Variants in ATP8B4 observed in about 807,000 individuals in gnomAD.
ATP8B4 encodes probable phospholipid-transporting ATPase IM.
Under a neutral mutation model 145.6 loss-of-function variants are expected in ATP8B4, and 133 were observed. The observed-to-expected ratio is 0.91, with a 90% CI of 0.79 to 1.05. The LOEUF is 1.05. Ranked by LOEUF, ATP8B4 falls within the 50% of genes least tolerant of loss-of-function variation. The probability of loss-of-function intolerance (pLI) is 0.00; values close to 1 mark genes in which losing one functional copy is unlikely to be tolerated. For missense variants in ATP8B4, 1,458 were observed against 1,425.2 expected, an observed-to-expected ratio of 1.02 and a Z score of -0.37; for synonymous variants, 507 against 492.9, an observed-to-expected ratio of 1.03 and a Z score of -0.38.
At chr15:49,927,478 T>C (rs2040834240) in intron 16 of ATP8B4, among the ~76,000 whole-genome samples, 1 of 151,744 alleles carries the variant, frequency 6.6e-6, no homozygotes, top group Non-Finnish European at 1.5e-5. Context: ...CCTGGTAGAG[T>C]CCCTCTAAAA....
chr15:50,027,895 C>T (rs1173999795), intron 6 of ATP8B4, among the ~76,000 whole-genome samples: 1 of 152,174 alleles, frequency 6.6e-6, no homozygotes. Context: ...TATTTGAGGA[C>T]CTACTGTATA....
intron 20 of ATP8B4, among the ~76,000 whole-genome samples, chr15:49,913,104 C>T (rs2039396149): frequency 6.6e-6 from 1 of 150,760 alleles, no homozygotes; most frequent in Non-Finnish European, 1.5e-5. Flanking sequence ...GCAGTGAAAG[C>T]CAGGTGACAG....
intron 3 of ATP8B4, among the ~76,000 whole-genome samples, chr15:50,073,009 T>A (rs1446738331): frequency 2.0e-5 from 1 of 50,582 alleles, no homozygotes; most frequent in African/African-American, 9.9e-5. Flanking sequence ...TATATATATA[T>A]ATATATATAT....
At chr15:49,946,455 A>C (rs1008393282) in intron 14 of ATP8B4, among the ~76,000 whole-genome samples, 2 of 152,210 alleles carry the variant, frequency 1.3e-5, no homozygotes, top group African/African-American at 4.8e-5. Flanking sequence ...CAGTAGCCAC[A>C]GATTAGAACT....
intron 3 of ATP8B4, among the ~76,000 whole-genome samples, chr15:50,058,784 C>T (rs2052790820): frequency 6.6e-6 from 1 of 152,036 alleles, no homozygotes; most frequent in Non-Finnish European, 1.5e-5. Flanking sequence ...CCAGCCCCTT[C>T]ACAGCCAGGT....
intron 14 of ATP8B4, among the ~76,000 whole-genome samples, chr15:49,953,693 C>T (rs999859748): frequency 6.6e-6 from 1 of 152,204 alleles, no homozygotes; most frequent in African/African-American, 2.4e-5. Flanking sequence ...GCTCAAAAGG[C>T]TTAGACAGCA....
At chr15:49,917,095 T>A in intron 19 of ATP8B4, 56 bp from the exon 20 acceptor site, 1 of 1,548,984 alleles carries the variant, frequency 6.5e-7, no homozygotes, top group South Asian at 1.1e-5. Flanking sequence ...CCTAAGTCCA[T>A]TTTTAATGAA....
chr15:50,034,367 T>TGCA (rs2050679889), intron 6 of ATP8B4, among the ~76,000 whole-genome samples: 1 of 151,886 alleles, frequency 6.6e-6, no homozygotes, highest in Non-Finnish European at 1.5e-5. Flanking sequence ...GTAGCTGGGA[T>TGCA]TACCGGTGCC....
Position 50,038,837 on chromosome 15 carries a change from A to G in ATP8B4, c.301-8T>C. On this transcript the variant is annotated splice_region_variant and splice_polypyrimidine_tract_variant and intron_variant, in intron 5 of 27. Coordinates refer to ENST00000284509, the MANE Select transcript of ATP8B4 (RefSeq NM_024837.4). ...ATCACTCTTGTGGCGAAACTGAAAAATCAAAGTGTTTGTGAGAAAACACAT... is the reference window on the plus strand; with the variant it reads ...ATCACTCTTGTGGCGAAACTGAAAAGTCAAAGTGTTTGTGAGAAAACACAT... 6.2e-7 allele frequency: 1 copy of G among 1,612,984 alleles called. No individual in the cohort carries two copies. Among genetic ancestry groups the G allele is most frequent in the East Asian group, 2.2e-5 (1 of 44,854 alleles).
At chr15:49,886,373 A>G (rs1023286765) in intron 23 of ATP8B4, among the ~76,000 whole-genome samples, 2 of 152,318 alleles carry the variant, frequency 1.3e-5, no homozygotes, top group Non-Finnish European at 2.9e-5. Flanking sequence ...ACACTGCTCA[A>G]TAAGTGAGCA....
chr15:49,920,629 G>C (rs927623937), intron 17 of ATP8B4, among the ~76,000 whole-genome samples: 1 of 152,238 alleles, frequency 6.6e-6, no homozygotes, highest in Non-Finnish European at 1.5e-5. Flanking sequence ...ATGCAGGGGA[G>C]CAAGTCTTCC....
intron 5 of ATP8B4, among the ~76,000 whole-genome samples, chr15:50,039,731 T>C (rs1284816698): frequency 6.8e-6 from 1 of 146,212 alleles, no homozygotes; most frequent in Admixed American, 6.7e-5. Flanking sequence ...CTTTTTTTCT[T>C]AAATACAAAA....
chr15:50,160,519 A>C (rs1004099400), intron 1 of ATP8B4, among the ~76,000 whole-genome samples: 4 of 150,702 alleles, frequency 2.7e-5, no homozygotes, highest in African/African-American at 9.8e-5. Context: ...AGATACTGCT[A>C]TAAACTTGCT....
chr15:50,159,475 CT>C (rs1376018293), intron 1 of ATP8B4, among the ~76,000 whole-genome samples: 1 of 152,102 alleles, frequency 6.6e-6, no homozygotes, highest in African/African-American at 2.4e-5. Flanking sequence ...TTTGAATGTC[CT>C]TTATTTCTTT....
rs528231774 is a variant in ATP8B4 at position 50,169,335 on chromosome 15, T to C, written c.-43+12926A>G. On this transcript the variant is annotated intron_variant, in intron 1 of 3. Coordinates refer to the ATP8B4 transcript ENST00000558829. Reference sequence around the variant, plus strand: ...CTGGTATTCACGGCTGAGAGACCCATAGACGGTTCACATCACAGGACTCTG... The same window carrying C: ...CTGGTATTCACGGCTGAGAGACCCACAGACGGTTCACATCACAGGACTCTG... 2.6e-5 allele frequency among the ~76,000 whole-genome samples: 4 copies of C among 152,280 alleles called. No homozygotes were observed. In the East Asian group the frequency reaches 5.8e-4, roughly 22 times the overall value.
chr15:49,918,081 G>A (rs1228102663), intron 19 of ATP8B4, among the ~76,000 whole-genome samples: 1 of 152,216 alleles, frequency 6.6e-6, no homozygotes, highest in Admixed American at 6.5e-5. Flanking sequence ...TAACATAGGT[G>A]TATGCCAGTT....
chr15:49,916,184 T>C (rs900795589), intron 20 of ATP8B4, among the ~76,000 whole-genome samples: 1 of 152,070 alleles, frequency 6.6e-6, no homozygotes, highest in Non-Finnish European at 1.5e-5. Context: ...TTTTTGTAGA[T>C]TTTTAAACGT....
Position 50,024,261 on chromosome 15 carries a change from A to G in ATP8B4, c.363-13344T>C, listed in dbSNP as rs549463380. ...CTATGATAGAGGTAGGTTATTTCCAACAGATACTTAATAACTGAGCCTAGA... is the reference window on the plus strand; with the variant it reads ...CTATGATAGAGGTAGGTTATTTCCAGCAGATACTTAATAACTGAGCCTAGA... On this transcript the variant is annotated intron_variant, in intron 6 of 27. Transcript: ENST00000284509. 3.9e-5 allele frequency among the ~76,000 whole-genome samples: 6 copies of G among 152,286 alleles called. No individual in the cohort carries two copies. The South Asian group carries it at 1.2e-3, about 32-fold the overall frequency.
chr15:49,876,207 A>G, intron 25 of ATP8B4, 71 bp downstream of exon 25: 1 of 1,546,084 alleles, frequency 6.5e-7, no homozygotes, highest in Non-Finnish European at 8.7e-7. Flanking sequence ...CAAGTAGACA[A>G]AATCAATCAA....
Sources: gnomAD v4.1 joint callset for allele counts (sites outside exome capture counted in the v4.1 genomes callset) on GRCh38, gnomAD v4.1.1 for gene constraint, MANE v1.5 for transcripts, NCBI Gene and HGNC (gene_info 2026-07-23, HGNC 2026-07-21) for gene names.